Variants in PPA2 observed in about 807,000 individuals in gnomAD.
PPA2 encodes inorganic pyrophosphatase 2.
Under a neutral mutation model 49.5 loss-of-function variants are expected in PPA2, and 48 were observed. The ratio of observed to expected loss-of-function variants is 0.97; its 90% CI spans 0.77 to 1.23. The LOEUF (loss-of-function observed/expected upper bound fraction) is 1.23, where lower values mean the gene tolerates loss of function less well. PPA2 is among the 50% of genes most tolerant of loss of function. PPA2 has a pLI of 0.00. For synonymous variants in PPA2, 131 were observed against 139.9 expected, an observed-to-expected ratio of 0.94 and a Z score of 0.45; for missense variants, 429 against 410.1, an observed-to-expected ratio of 1.05 and a Z score of -0.40.
chr4:105,421,230 C>T (rs1339561121), intron 7 of PPA2, among the ~76,000 whole-genome samples: 1 of 152,060 alleles, frequency 6.6e-6, no homozygotes. Context: ...AGTTCCTTGT[C>T]TTCCAAAGTA....
At chr4:105,390,141 A>T (rs1434737889) in intron 9 of PPA2, among the ~76,000 whole-genome samples, 1 of 152,166 alleles carries the variant, frequency 6.6e-6, no homozygotes. Flanking sequence ...CCTTCCCTAC[A>T]CCTTATACAA....
At chr4:105,379,118 C>T (rs1733372036) in intron 10 of PPA2, among the ~76,000 whole-genome samples, 2 of 150,348 alleles carry the variant, frequency 1.3e-5, no homozygotes, top group South Asian at 4.2e-4. Flanking sequence ...ATATTACATG[C>T]AATGTTGAAG....
chr4:105,406,640 C>G (rs1722487864), intron 7 of PPA2, among the ~76,000 whole-genome samples: 1 of 152,140 alleles, frequency 6.6e-6, no homozygotes, highest in Admixed American at 6.5e-5. Flanking sequence ...ACCTGCTCCC[C>G]CAAAATCCAT....
chr4:105,386,400 CTTAAT>C (rs1487791047), intron 10 of PPA2, among the ~76,000 whole-genome samples, 162 bp downstream of exon 10: 1 of 152,188 alleles, frequency 6.6e-6, no homozygotes, highest in Admixed American at 6.5e-5. Flanking sequence ...TTTTAAAATT[CTTAAT>C]TTAAATTCCT....
At chr4:105,394,283 C>A (rs1734042024) in intron 9 of PPA2, among the ~76,000 whole-genome samples, 2 of 138,960 alleles carry the variant, frequency 1.4e-5, no homozygotes, top group South Asian at 4.7e-4. Flanking sequence ...AGGAGAATTG[C>A]AAATTACTTG....
chr4:105,422,410 C>A (rs184679693), intron 7 of PPA2, among the ~76,000 whole-genome samples: 3 of 152,262 alleles, frequency 2.0e-5, no homozygotes, highest in Admixed American at 1.3e-4. Flanking sequence ...AGAAAGGTGT[C>A]CAAAGTGCAA....
intron 9 of PPA2, among the ~76,000 whole-genome samples, chr4:105,389,573 A>G (rs1251409233): frequency 6.6e-6 from 1 of 152,050 alleles, no homozygotes; most frequent in Non-Finnish European, 1.5e-5. Flanking sequence ...AAACAAGCAG[A>G]TGACATTAGA....
chr4:105,446,368 T>C lies in PPA2; in HGVS notation c.441+15A>G. On this transcript the variant is annotated intron_variant, in intron 5 of 11. Coordinates refer to ENST00000341695, the MANE Select transcript of PPA2 (RefSeq NM_176869.3). The stretch of plus-strand genomic sequence containing the variant: ...AGAAGACAGGAACATTTTACCATTG[T>C]AACAAAAATGTTACCTGAGGGAGGG... The C allele has an allele frequency of 6.5e-7, 1 of 1,540,098 alleles. No individual in the cohort carries two copies. Among genetic ancestry groups the C allele is most frequent in the East Asian group, 2.4e-5 (1 of 41,560 alleles).
chr4:105,382,943 G>A (rs1345645020), intron 10 of PPA2, among the ~76,000 whole-genome samples: 1 of 152,116 alleles, frequency 6.6e-6, no homozygotes. Context: ...CAAGGCTGCT[G>A]TGAACTGTAT....
intron 7 of PPA2, among the ~76,000 whole-genome samples, chr4:105,404,828 T>TTTA (rs1212450719): frequency 6.6e-6 from 1 of 152,152 alleles, no homozygotes; most frequent in Admixed American, 6.5e-5. Context: ...ACACCTGTAA[T>TTTA]CCCAGCACTT....
At chr4:105,377,715 C>T (rs1560603146) in intron 10 of PPA2, among the ~76,000 whole-genome samples, 2 of 152,080 alleles carry the variant, frequency 1.3e-5, no homozygotes, top group Non-Finnish European at 2.9e-5. Context: ...TAAAATCCTC[C>T]TTCCTGGCTC....
chr4:105,434,540 T>C (rs1723958858), intron 6 of PPA2, among the ~76,000 whole-genome samples: 1 of 152,150 alleles, frequency 6.6e-6, no homozygotes, highest in Non-Finnish European at 1.5e-5. Flanking sequence ...TCATAAAGAA[T>C]TATCCATCTG....
intron 2 of PPA2, among the ~76,000 whole-genome samples, chr4:105,454,679 AG>A (rs1343328821): frequency 6.6e-6 from 1 of 152,160 alleles, no homozygotes; most frequent in Non-Finnish European, 1.5e-5. Flanking sequence ...ACAAAGCACG[AG>A]TTTTAATCAT....
intron 7 of PPA2, among the ~76,000 whole-genome samples, chr4:105,411,850 A>C (rs947792898): frequency 1.1e-4 from 16 of 152,232 alleles, no homozygotes; most frequent in Non-Finnish European, 1.9e-4. Context: ...ATTGCTACAA[A>C]GAGAATAAAA....
intron 2 of PPA2, 82 bp from the exon 3 acceptor site, chr4:105,453,724 T>C (rs1008741508): frequency 7.4e-6 from 8 of 1,076,910 alleles, no homozygotes; most frequent in Non-Finnish European, 1.1e-5. Context: ...AATATGACTA[T>C]TGTATAGACA....
intron 10 of PPA2, among the ~76,000 whole-genome samples, chr4:105,381,162 AG>A (rs1488807759): frequency 6.6e-6 from 1 of 152,196 alleles, no homozygotes; most frequent in African/African-American, 2.4e-5. Flanking sequence ...TATGATGTTT[AG>A]TGGTCATTGT....
intron 4 of PPA2, among the ~76,000 whole-genome samples, chr4:105,447,493 G>A (rs1331453432): frequency 7.2e-5 from 11 of 152,066 alleles, no homozygotes; most frequent in Admixed American, 2.0e-4. Flanking sequence ...AGTTAATAAC[G>A]TACATTTCAA....
At chr4:105,370,959 TAGAAG>T in intron 10 of PPA2, 86 bp from the exon 11 acceptor site, 5 of 1,301,272 alleles carry the variant, frequency 3.8e-6, no homozygotes, top group South Asian at 3.3e-5. Context: ...CACGAAATTA[TAGAAG>T]AAAGTTTACA....
chr4:105,447,416 G>A (rs1722441942), intron 4 of PPA2, among the ~76,000 whole-genome samples: 2 of 152,252 alleles, frequency 1.3e-5, no homozygotes, highest in South Asian at 4.1e-4. Flanking sequence ...GATAGTCAAA[G>A]GATACAAAAT....
Sources: allele counts gnomAD v4.1 joint callset (sites outside exome capture counted in the v4.1 genomes callset), GRCh38; gene constraint gnomAD v4.1.1; transcripts MANE v1.5; gene names NCBI Gene and HGNC (gene_info 2026-07-23, HGNC 2026-07-21).